NRG1: variants seen among roughly 807,000 people sequenced by gnomAD.
NRG1 encodes neuregulin 1, also known as pro-neuregulin-1, membrane-bound isoform.
NRG1 carries 18 observed loss-of-function variants against 63.8 expected under a neutral mutation model. The observed-to-expected ratio is 0.28, with a 90% CI of 0.19 to 0.42. NRG1 has a LOEUF of 0.42. Ranked by LOEUF, NRG1 falls within the 10% of genes least tolerant of loss-of-function variation. The pLI is 1.00. For missense variants in NRG1, 762 were observed against 814.7 expected (o/e 0.94, Z 0.79); for synonymous variants, 302 against 301.3 (o/e 1.00, Z -0.02).
At chr8:32,040,927 A>G (rs1040499139) in intron 1 of NRG1, among the ~76,000 whole-genome samples, 5 of 151,112 alleles carry the variant, frequency 3.3e-5, no homozygotes, top group Non-Finnish European at 7.4e-5. Flanking sequence ...ATGCAAAAAA[A>G]ATTGATTAAA....
downstream of NRG1, among the ~76,000 whole-genome samples, chr8:32,769,487 G>T (rs1034290135): frequency 3.9e-5 from 6 of 152,092 alleles, no homozygotes; most frequent in African/African-American, 1.2e-4. Context: ...CTGTCCTAAC[G>T]ATGAATGATA....
At position 32,555,957 on chromosome 8, in the gene NRG1, G is replaced by T. The variant is rs1210587315; in HGVS notation, c.100+7131G>T. Among the ~76,000 whole-genome samples, 5 of 152,206 alleles carry T rather than the reference G, an allele frequency of 3.3e-5. No individual in the cohort carries two copies. In the South Asian group the frequency reaches 8.3e-4, roughly 25 times the overall value. Reference sequence around the variant, plus strand: ...AAGAAATCTGTCGTTGATGGGAATAGTCTTTGACTGCCACAGTGCCCCGAA... The same window carrying T: ...AAGAAATCTGTCGTTGATGGGAATATTCTTTGACTGCCACAGTGCCCCGAA... On this transcript the variant is annotated intron_variant, in intron 1 of 11. Coordinates refer to ENST00000356819, the Ensembl canonical transcript of NRG1.
At chr8:31,651,907 G>A (rs1262460799) in intron 1 of NRG1, among the ~76,000 whole-genome samples, 1 of 151,826 alleles carries the variant, frequency 6.6e-6, no homozygotes, top group African/African-American at 2.4e-5. Flanking sequence ...CTTTCTTTTT[G>A]GCTCTCTATC....
intron 1 of NRG1, among the ~76,000 whole-genome samples, chr8:32,476,174 G>A (rs968330541): frequency 7.2e-5 from 11 of 152,164 alleles, no homozygotes; most frequent in Non-Finnish European, 1.6e-4. Context: ...AATTGGAGAA[G>A]ATATCTTTCT....
chr8:32,251,936 A>T (rs1309975671), intron 1 of NRG1, among the ~76,000 whole-genome samples: 1 of 152,042 alleles, frequency 6.6e-6, no homozygotes, highest in Non-Finnish European at 1.5e-5. Flanking sequence ...GATGAGTTGC[A>T]TTTCTCTAAT....
At chr8:32,462,379 C>T (rs1355344708) in intron 1 of NRG1, among the ~76,000 whole-genome samples, 2 of 152,080 alleles carry the variant, frequency 1.3e-5, no homozygotes. Flanking sequence ...GCTAGGTTTG[C>T]AGAGAATTAC....
intron 1 of NRG1, among the ~76,000 whole-genome samples, chr8:32,525,501 A>C (rs1390494645): frequency 1.3e-5 from 2 of 151,852 alleles, no homozygotes; most frequent in Non-Finnish European, 2.9e-5. Context: ...TCATCATTCC[A>C]AATGTAGGCT....
intron 2 of NRG1, among the ~76,000 whole-genome samples, chr8:32,601,312 A>C (rs191735159): frequency 6.6e-6 from 1 of 152,274 alleles, no homozygotes; most frequent in East Asian, 1.9e-4. Flanking sequence ...ATTTTGTTGT[A>C]AAAAATAGTT....
At chr8:32,193,038 T>C (rs1259301901) in intron 1 of NRG1, among the ~76,000 whole-genome samples, 2 of 152,190 alleles carry the variant, frequency 1.3e-5, no homozygotes, top group African/African-American at 4.8e-5. Context: ...CTGGTGCATA[T>C]ATAAATGAAT....
At chr8:31,932,906 C>A (rs1305886848) in intron 1 of NRG1, among the ~76,000 whole-genome samples, 2 of 152,186 alleles carry the variant, frequency 1.3e-5, no homozygotes, top group Non-Finnish European at 2.9e-5. Context: ...GATTCTATGA[C>A]AAAGAGCTCC....
intron 2 of NRG1, among the ~76,000 whole-genome samples, chr8:32,600,532 C>T (rs1001937573): frequency 1.3e-5 from 2 of 152,000 alleles, no homozygotes; most frequent in Non-Finnish European, 2.9e-5. Flanking sequence ...TAAGTGAGCA[C>T]ACAGTAAAAA....
chr8:31,976,867 C>A (rs1176065823), intron 1 of NRG1, among the ~76,000 whole-genome samples: 1 of 152,098 alleles, frequency 6.6e-6, no homozygotes, highest in Non-Finnish European at 1.5e-5. Context: ...AAATATATAT[C>A]AATGAAAACG....
intron 1 of NRG1, among the ~76,000 whole-genome samples, chr8:31,831,805 T>C (rs376049136): frequency 6.6e-6 from 1 of 152,314 alleles, no homozygotes; most frequent in African/African-American, 2.4e-5. Context: ...TTTTGAGATT[T>C]GTATACAAAC....
At chr8:32,645,046 G>A (rs372141059) in intron 5 of NRG1, among the ~76,000 whole-genome samples, 2 of 152,188 alleles carry the variant, frequency 1.3e-5, no homozygotes, top group East Asian at 3.9e-4. Flanking sequence ...CAAAATTGGG[G>A]AATTCAGTGC....
chr8:32,274,445 A>G (rs1851874322), intron 1 of NRG1, among the ~76,000 whole-genome samples: 1 of 152,182 alleles, frequency 6.6e-6, no homozygotes, highest in Non-Finnish European at 1.5e-5. Flanking sequence ...CCTTCAGGAG[A>G]CCCAGGAATT....
intron 2 of NRG1, among the ~76,000 whole-genome samples, chr8:32,600,617 C>A (rs1844173984): frequency 6.6e-6 from 1 of 152,000 alleles, no homozygotes; most frequent in African/African-American, 2.4e-5. Context: ...CAAATCACTT[C>A]ACATTAATTT....
intron 1 of NRG1, among the ~76,000 whole-genome samples, chr8:32,459,601 A>AT (rs199976429): frequency 6.6e-4 from 99 of 149,212 alleles, no homozygotes; most frequent in East Asian, 1.2e-3. Context: ...CCCATTTCTA[A>AT]TTAAAAAAAA....
chr8:32,217,213 CAAAAAAA>C (rs538507645), intron 1 of NRG1, among the ~76,000 whole-genome samples: 52 of 101,172 alleles, frequency 5.1e-4, no homozygotes, highest in African/African-American at 2.0e-3. Flanking sequence ...GACCCTGTCT[CAAAAAAA>C]AAAAAAAAAA....
At chr8:32,240,603 C>A (rs545957800) in intron 1 of NRG1, among the ~76,000 whole-genome samples, 1 of 151,794 alleles carries the variant, frequency 6.6e-6, no homozygotes, top group East Asian at 1.9e-4. Context: ...TGGTGGATTC[C>A]GTAAATGTCA....
Sources: gnomAD v4.1 joint callset for allele counts (sites outside exome capture counted in the v4.1 genomes callset) on GRCh38, gnomAD v4.1.1 for gene constraint, MANE v1.5 for transcripts, NCBI Gene and HGNC (gene_info 2026-07-23, HGNC 2026-07-21) for gene names.